The following DPYD variants were observed in gnomAD, a reference collection of about 807,000 sequenced individuals.
DPYD encodes the protein dihydropyrimidine dehydrogenase.
Under a neutral mutation model 116.2 loss-of-function variants are expected in DPYD, and 109 were observed. The ratio of observed to expected loss-of-function variants is 0.94; its 90% CI spans 0.80 to 1.10. The LOEUF (loss-of-function observed/expected upper bound fraction) is 1.10. DPYD is among the 50% of genes least tolerant of loss of function. The pLI is 0.00. For missense variants in DPYD, 1,302 were observed against 1,254.5 expected, an observed-to-expected ratio of 1.04 and a Z score of -0.57; for synonymous variants, 440 against 432.0, an observed-to-expected ratio of 1.02 and a Z score of -0.23.
chr1:97,673,515 T>C (rs1359600442), intron 8 of DPYD, among the ~76,000 whole-genome samples: 1 of 151,886 alleles, frequency 6.6e-6, no homozygotes, highest in Non-Finnish European at 1.5e-5. Context: ...AAAATACGTA[T>C]AAAGTTCCTA....
At chr1:97,815,087 AAAGAG>A (rs1226544915) in intron 3 of DPYD, among the ~76,000 whole-genome samples, 7 of 9,388 alleles carry the variant, frequency 7.5e-4, no homozygotes, top group African/African-American at 1.6e-3. Context: ...AGAAGAAAGA[AAAGAG>A]AAGAGAAGAG....
chr1:97,346,573 C>T (rs1378681542), intron 16 of DPYD, among the ~76,000 whole-genome samples: 2 of 151,736 alleles, frequency 1.3e-5, no homozygotes, highest in East Asian at 3.9e-4. Context: ...TTATAAGGTC[C>T]ATAAGGCATT....
chr1:97,718,934 C>T (rs1249096472), intron 5 of DPYD, among the ~76,000 whole-genome samples: 2 of 151,384 alleles, frequency 1.3e-5, no homozygotes, highest in African/African-American at 4.8e-5. Context: ...CTGATAAAAT[C>T]TATACTAAAC....
At chr1:97,142,858 A>T (rs2101698812) in intron 20 of DPYD, among the ~76,000 whole-genome samples, 1 of 152,228 alleles carries the variant, frequency 6.6e-6, no homozygotes, top group Non-Finnish European at 1.5e-5. Context: ...TTGATGAAAT[A>T]TTTGATCAAT....
chr1:97,180,435 T>C (rs1228048984), intron 20 of DPYD, among the ~76,000 whole-genome samples: 1 of 152,136 alleles, frequency 6.6e-6, no homozygotes, highest in Non-Finnish European at 1.5e-5. Context: ...CTCCATAAAA[T>C]GAGGATTGGG....
At chr1:97,848,644 T>C (rs1384268759) in intron 2 of DPYD, among the ~76,000 whole-genome samples, 1 of 152,246 alleles carries the variant, frequency 6.6e-6, no homozygotes, top group African/African-American at 2.4e-5. Context: ...TAATTTGATA[T>C]GAATCAGTGC....
At chr1:97,685,949 T>C (rs1557882326) in intron 7 of DPYD, among the ~76,000 whole-genome samples, 1 of 152,134 alleles carries the variant, frequency 6.6e-6, no homozygotes, top group South Asian at 2.1e-4. Context: ...TAAACTACCA[T>C]TGACATTCCT....
intron 2 of DPYD, among the ~76,000 whole-genome samples, chr1:97,875,014 C>T (rs939429910): frequency 6.6e-6 from 1 of 151,742 alleles, no homozygotes; most frequent in African/African-American, 2.4e-5. Context: ...ATGGCAAGTA[C>T]CACAATGACA....
At chr1:97,333,214 T>C (rs1282638320) in intron 16 of DPYD, among the ~76,000 whole-genome samples, 2 of 151,728 alleles carry the variant, frequency 1.3e-5, no homozygotes, top group African/African-American at 2.4e-5. Flanking sequence ...TGCACCACCA[T>C]GCCTGGCTAA....
intron 1 of DPYD, among the ~76,000 whole-genome samples, chr1:97,900,335 T>C (rs2101682377): frequency 6.6e-6 from 1 of 151,980 alleles, no homozygotes; most frequent in East Asian, 2.0e-4. Flanking sequence ...CTTTTAGCAA[T>C]TTTTCCCATG....
intron 11 of DPYD, among the ~76,000 whole-genome samples, chr1:97,562,842 C>T (rs541522102): frequency 6.6e-6 from 1 of 152,106 alleles, no homozygotes; most frequent in Admixed American, 6.5e-5. Flanking sequence ...CCTCAGCCCC[C>T]CCGAGTAGCT....
chr1:97,719,585 T>C (rs1233756204), intron 5 of DPYD, among the ~76,000 whole-genome samples: 1 of 151,898 alleles, frequency 6.6e-6, no homozygotes, highest in East Asian at 1.9e-4. Flanking sequence ...TGTACTTTTT[T>C]CCGTGAATAT....
At chr1:97,883,887 T>C (rs550519357) in intron 1 of DPYD, 44 of 456,568 alleles carry the variant, frequency 9.6e-5, no homozygotes, top group Admixed American at 3.8e-4. Context: ...TTTGCAAGAT[T>C]GTGTTTAATA....
intron 20 of DPYD, among the ~76,000 whole-genome samples, chr1:97,164,778 A>G (rs574373159): frequency 6.6e-6 from 1 of 152,286 alleles, no homozygotes; most frequent in South Asian, 2.1e-4. Flanking sequence ...ATCAGAGATG[A>G]CACAAACAAA....
At chr1:97,438,039 A>G (rs550182491) in intron 14 of DPYD, among the ~76,000 whole-genome samples, 15 of 152,188 alleles carry the variant, frequency 9.9e-5, no homozygotes, top group Admixed American at 8.5e-4. Flanking sequence ...TTGTTCATAT[A>G]AATAATTTGT....
At chr1:97,522,573 G>A (rs1648762455) in intron 12 of DPYD, among the ~76,000 whole-genome samples, 1 of 151,984 alleles carries the variant, frequency 6.6e-6, no homozygotes, top group Admixed American at 6.6e-5. Context: ...CAAAAAATTA[G>A]CTGGGCATAG....
At chr1:97,410,057 A>G (rs373223425) in intron 14 of DPYD, among the ~76,000 whole-genome samples, 1 of 151,642 alleles carries the variant, frequency 6.6e-6, no homozygotes, top group Non-Finnish European at 1.5e-5. Context: ...TAGAGCAACA[A>G]TCTGTCTCAA....
chr1:97,286,904 C>A (rs1455223450), intron 18 of DPYD, among the ~76,000 whole-genome samples: 1 of 152,198 alleles, frequency 6.6e-6, no homozygotes, highest in Non-Finnish European at 1.5e-5. Flanking sequence ...TCGTCTGAAG[C>A]CTTCTTCTCT....
intron 8 of DPYD, among the ~76,000 whole-genome samples, chr1:97,665,957 T>A (rs559184740): frequency 2.6e-5 from 4 of 152,286 alleles, no homozygotes; most frequent in Admixed American, 2.0e-4. Flanking sequence ...AACAATAAAG[T>A]GAAAAGGAAA....
Sources: gnomAD v4.1 joint callset for allele counts (sites outside exome capture counted in the v4.1 genomes callset) on GRCh38, gnomAD v4.1.1 for gene constraint, MANE v1.5 for transcripts, NCBI Gene and HGNC (gene_info 2026-07-23, HGNC 2026-07-21) for gene names.